Variants in SCN7A observed in about 807,000 individuals in gnomAD.
SCN7A encodes the protein sodium channel protein type 7 subunit alpha.
A neutral mutation model predicts 155.2 loss-of-function variants in SCN7A; 138 were observed. That is an observed-to-expected ratio of 0.89 (90% confidence interval 0.77 to 1.02). The LOEUF is 1.02. SCN7A is among the 50% of genes least tolerant of loss of function. The pLI, the probability that SCN7A is intolerant of heterozygous loss-of-function variation, is 0.00. For synonymous variants in SCN7A, 693 were observed against 649.0 expected, an observed-to-expected ratio of 1.07 and a Z score of -1.03; for missense variants, 2,058 against 1,986.6, an observed-to-expected ratio of 1.04 and a Z score of -0.68.
intron 2 of SCN7A, among the ~76,000 whole-genome samples, chr2:166,482,324 A>C (rs148912788): frequency 5.6e-4 from 85 of 152,234 alleles, no homozygotes; most frequent in Non-Finnish European, 1.6e-4. Flanking sequence ...CATCAATGAA[A>C]ATGGTTTAAA....
At position 166,445,009 on chromosome 2, in the gene SCN7A, A is replaced by T; in HGVS notation, c.1388-9T>A. On this transcript the variant is annotated splice_polypyrimidine_tract_variant and intron_variant, in intron 12 of 25. Coordinates refer to ENST00000643258, the MANE Select transcript of SCN7A (RefSeq NM_002976.4). ...CTTGGATTTTTCAAGTTCTGAAATG[A>T]AAGAATACAAAAGTTAAACATTCTG... is the stretch of plus-strand genomic sequence containing the variant. 6.5e-7 allele frequency: 1 copy of T among 1,540,066 alleles called. No homozygotes were observed. The highest frequency in any genetic ancestry group is 9.0e-7 in the Non-Finnish European group (1 of 1,115,286).
chr2:166,476,973 T>C (rs897929024), intron 3 of SCN7A, among the ~76,000 whole-genome samples: 19 of 152,046 alleles, frequency 1.2e-4, no homozygotes, highest in Non-Finnish European at 1.5e-4. Context: ...ATTGGACATA[T>C]AGTAGTAGGT....
chr2:166,453,387 C>T (rs1006277469), intron 11 of SCN7A, among the ~76,000 whole-genome samples: 1 of 152,100 alleles, frequency 6.6e-6, no homozygotes, highest in African/African-American at 2.4e-5. Flanking sequence ...ATCAAGTGTT[C>T]TTAATATAGA....
chr2:166,444,626 T>G (rs1702023085), intron 13 of SCN7A, 136 bp downstream of exon 13: 1 of 608,652 alleles, frequency 1.6e-6, no homozygotes, highest in Non-Finnish European at 2.9e-6. Context: ...ATAAACACAA[T>G]GCTTCATTCA....
intron 24 of SCN7A, 115 bp from the exon 25 acceptor site, chr2:166,410,050 T>C (rs1559085272): frequency 8.0e-7 from 1 of 1,246,848 alleles, no homozygotes; most frequent in East Asian, 2.6e-5. Context: ...AGTGTGAACC[T>C]AAATTTTTGC....
At chr2:166,432,142 A>C (rs35793666) in intron 16 of SCN7A, among the ~76,000 whole-genome samples, 176 bp downstream of exon 16, 1,931 of 152,196 alleles carry the variant, frequency 0.013, 48 homozygotes, top group African/African-American at 0.044. Flanking sequence ...TGAAGCTTGG[A>C]AAGTTTAAGT....
rs779787962 is a variant in SCN7A, at chr2:166,477,465, T to G, written c.232A>C (p.Asn78His). 4.0e-6 allele frequency: 6 copies of G among 1,490,108 alleles called. No homozygotes were observed. The highest frequency in any genetic ancestry group is 5.4e-6 in the Non-Finnish European group (6 of 1,115,072). The allele number at this position is 1,490,108 out of a possible 1,614,324, so 92.3% of individuals were successfully genotyped here. Residue 78 changes from asparagine (N) to histidine (H), a missense_variant and splice_region_variant, in exon 3 of 26, where the codon AAT becomes CAT. By Grantham distance (68) the Asn-to-His change is moderately conservative. Coordinates refer to ENST00000643258, the MANE Select transcript of SCN7A (RefSeq NM_002976.4). ...AAATAATCTCAATTAATACTCACATTTTTTTTCTTGTAGTAATATGGGTCC... is the reference window on the plus strand; with the variant it reads ...AAATAATCTCAATTAATACTCACATGTTTTTTCTTGTAGTAATATGGGTCC... Reference protein sequence around the residue: ...DVDPYYYKKKNTFIVLNKNRT... With the variant: ...DVDPYYYKKKHTFIVLNKNRT...
At chr2:166,477,777 C>T (rs867228582) in intron 2 of SCN7A, 67 bp from the exon 3 acceptor site, 30 of 985,452 alleles carry the variant, frequency 3.0e-5, no homozygotes, top group African/African-American at 2.2e-4. Flanking sequence ...GATTAGGATA[C>T]GAAAAATAGA....
intron 10 of SCN7A, among the ~76,000 whole-genome samples, chr2:166,457,866 G>A (rs1177454834): frequency 6.6e-6 from 1 of 151,804 alleles, no homozygotes; most frequent in African/African-American, 2.4e-5. Context: ...CAAAATTTAA[G>A]GAAACAAATG....
In SCN7A at chr2:166,441,574, A is replaced by G. The variant is rs1189396709; in HGVS notation, c.1979T>C (p.Ile660Thr). ...GKNYEEFVCH[I>T]DKDCQLPRWH... ...GCGTGGGAGTTGACAGTCTTTGTCTATGTGGCAGACAAATTCTTCATAATT... is the reference window on the plus strand; with the variant it reads ...GCGTGGGAGTTGACAGTCTTTGTCTGTGTGGCAGACAAATTCTTCATAATT... The change falls in exon 15 of 26, where the codon ATA becomes ACA. Residue 660 changes from isoleucine (I) to threonine (T), a missense_variant. Ile to Thr is a moderately conservative substitution (Grantham distance 89). Coordinates refer to ENST00000643258, the MANE Select transcript of SCN7A (RefSeq NM_002976.4). 4 of 1,614,086 alleles carry G rather than the reference A, an allele frequency of 2.5e-6. No homozygotes were observed. Among genetic ancestry groups the G allele is most frequent in the Non-Finnish European group, 2.5e-6 (3 of 1,179,956 alleles).
At chr2:166,442,306 T>A (rs1022403909) in intron 14 of SCN7A, among the ~76,000 whole-genome samples, 2 of 152,208 alleles carry the variant, frequency 1.3e-5, no homozygotes, top group Non-Finnish European at 2.9e-5. Flanking sequence ...ATATTTTTGG[T>A]CACTGTATCA....
intron 15 of SCN7A, among the ~76,000 whole-genome samples, chr2:166,439,072 T>TA (rs1488015872): frequency 1.4e-5 from 2 of 146,726 alleles, no homozygotes; most frequent in African/African-American, 5.0e-5. Context: ...TATATATATA[T>TA]ATATATAGCC....
intron 12 of SCN7A, among the ~76,000 whole-genome samples, chr2:166,446,359 G>C (rs557612995): frequency 1.3e-5 from 2 of 152,258 alleles, no homozygotes; most frequent in South Asian, 4.1e-4. Context: ...TCATTAAAAA[G>C]TCAGGAAACA....
chr2:166,450,623 G>A (rs1297088676), intron 11 of SCN7A, among the ~76,000 whole-genome samples: 4 of 152,008 alleles, frequency 2.6e-5, no homozygotes, highest in Admixed American at 6.6e-5. Flanking sequence ...GTGAAACCCC[G>A]TCTCTACTAA....
At chr2:166,477,096 T>C (rs1702815914) in intron 3 of SCN7A, among the ~76,000 whole-genome samples, 1 of 152,046 alleles carries the variant, frequency 6.6e-6, no homozygotes, top group South Asian at 2.1e-4. Context: ...AAGTTCATCA[T>C]ATTGAACATT....
chr2:166,474,780 G>C (rs1325917326), intron 3 of SCN7A, among the ~76,000 whole-genome samples: 1 of 151,504 alleles, frequency 6.6e-6, no homozygotes, highest in African/African-American at 2.4e-5. Flanking sequence ...TAGCAAAGAA[G>C]ATCCAATGAA....
chr2:166,468,984 T>C (rs543035152), intron 7 of SCN7A, among the ~76,000 whole-genome samples: 17 of 151,522 alleles, frequency 1.1e-4, no homozygotes, highest in Non-Finnish European at 2.5e-4. Flanking sequence ...TTTTACAATA[T>C]GTCTAAGTGT....
chr2:166,414,289 CACACATATATATATATATATAT>C (rs1434065810), intron 21 of SCN7A, among the ~76,000 whole-genome samples: 396 of 31,096 alleles, frequency 0.013, 8 homozygotes, highest in African/African-American at 0.044. Flanking sequence ...TATATATACA[CACACATATATATATATATATAT>C]ACACATATAT....
chr2:166,462,604 A>G, intron 9 of SCN7A, 74 bp from the exon 10 acceptor site: 1 of 1,419,924 alleles, frequency 7.0e-7, no homozygotes, highest in Non-Finnish European at 9.8e-7. Flanking sequence ...TAAATATAGA[A>G]CATCAGTCCT....
Sources: gnomAD v4.1 joint callset for allele counts (sites outside exome capture counted in the v4.1 genomes callset) on GRCh38, gnomAD v4.1.1 for gene constraint, MANE v1.5 for transcripts, NCBI Gene and HGNC (gene_info 2026-07-23, HGNC 2026-07-21) for gene names.